Variants in APBB2 observed in about 807,000 individuals in gnomAD.
APBB2 encodes amyloid beta precursor protein binding family B member 2, also known as Fe65-like 1.
APBB2 carries 38 observed loss-of-function variants against 82.5 expected under a neutral mutation model. The ratio of observed to expected loss-of-function variants is 0.46; its 90% CI spans 0.36 to 0.60. The LOEUF (loss-of-function observed/expected upper bound fraction) is 0.60. Among genes scored for constraint, APBB2 ranks in the 20% least tolerant of loss-of-function variants. The pLI, the probability that APBB2 is intolerant of heterozygous loss-of-function variation, is 0.00. For missense variants in APBB2, 772 were observed against 972.3 expected (o/e 0.79, Z 2.74); for synonymous variants, 341 against 368.2 (o/e 0.93, Z 0.85).
rs1224681597 is a variant in APBB2 at position 40,934,502 on chromosome 4, G to C, written c.1208C>G (p.Pro403Arg). ...ASLKLRNAPH[P>R]DDDDSCSINS... ...GATACTACAAGAATCATCATCATCA[G>C]GGTGTGGGGCATTTCTAGGCAGAAA... Residue 403 changes from proline to arginine, a missense_variant, in exon 10 of 18, where the codon CCT becomes CGT. By Grantham distance (103) the Pro-to-Arg change is moderately radical. Coordinates refer to ENST00000508593, the MANE Select transcript of APBB2 (RefSeq NM_004307.2). The C allele has an allele frequency of 6.2e-7, 1 of 1,614,182 alleles. No individual in the cohort carries two copies. Among genetic ancestry groups the C allele is most frequent in the East Asian group, 2.2e-5 (1 of 44,884 alleles).
chr4:40,869,022 CCTTT>C (rs1764748255), intron 12 of APBB2, among the ~76,000 whole-genome samples: 1 of 152,076 alleles, frequency 6.6e-6, no homozygotes, highest in South Asian at 2.1e-4. Context: ...CCCCACACCA[CCTTT>C]CTATTTTTTT....
At chr4:40,903,709 A>G (rs6843173) in intron 10 of APBB2, among the ~76,000 whole-genome samples, 5,862 of 152,238 alleles carry the variant, frequency 0.039, 368 homozygotes, top group African/African-American at 0.13. Context: ...CACAGGGAAC[A>G]GGCAGGGTTT....
chr4:41,080,090 C>A (rs1040217069), intron 3 of APBB2, among the ~76,000 whole-genome samples: 1 of 152,098 alleles, frequency 6.6e-6, no homozygotes, highest in Non-Finnish European at 1.5e-5. Flanking sequence ...TTCAGAGAGA[C>A]GAGGCAGTTT....
At chr4:40,954,475 G>A (rs1791048428) in intron 6 of APBB2, among the ~76,000 whole-genome samples, 1 of 152,148 alleles carries the variant, frequency 6.6e-6, no homozygotes, top group African/African-American at 2.4e-5. Context: ...GTGCAGAGGT[G>A]ATGACAATAG....
At chr4:41,099,329 A>G (rs998105377) in intron 3 of APBB2, among the ~76,000 whole-genome samples, 1 of 152,060 alleles carries the variant, frequency 6.6e-6, no homozygotes, top group African/African-American at 2.4e-5. Flanking sequence ...CCCAGGTTCA[A>G]GCAATTCTCC....
At chr4:40,920,302 G>A (rs1013571304) in intron 10 of APBB2, among the ~76,000 whole-genome samples, 1 of 152,108 alleles carries the variant, frequency 6.6e-6, no homozygotes, top group African/African-American at 2.4e-5. Flanking sequence ...CCATCATTGT[G>A]AGGTCTCCCC....
chr4:41,047,788 T>C (rs777217312), intron 4 of APBB2, among the ~76,000 whole-genome samples: 3 of 152,216 alleles, frequency 2.0e-5, no homozygotes, highest in Non-Finnish European at 4.4e-5. Flanking sequence ...CCTCATTTGC[T>C]GAGTTTATCT....
At chr4:40,829,931 T>A (rs1751304416) in intron 13 of APBB2, among the ~76,000 whole-genome samples, 1 of 152,226 alleles carries the variant, frequency 6.6e-6, no homozygotes, top group African/African-American at 2.4e-5. Flanking sequence ...GCAGAAACCC[T>A]GGATGGTTTC....
intron 10 of APBB2, 112 bp downstream of exon 10, chr4:40,934,330 AAATTGAGGGATAAT>A (rs1784894048): frequency 1.1e-6 from 1 of 916,884 alleles, no homozygotes; most frequent in Non-Finnish European, 1.7e-6. Context: ...AGGAAAGAGA[AAATTGAGGGATAAT>A]TACTTATTAA....
intron 3 of APBB2, among the ~76,000 whole-genome samples, chr4:41,067,909 T>C (rs1732500641): frequency 6.6e-6 from 1 of 152,066 alleles, no homozygotes; most frequent in Non-Finnish European, 1.5e-5. Flanking sequence ...AGCGCATGGC[T>C]ACAGGCTGAA....
intron 3 of APBB2, among the ~76,000 whole-genome samples, chr4:41,100,159 G>A (rs1050054175): frequency 6.6e-6 from 1 of 152,058 alleles, no homozygotes; most frequent in African/African-American, 2.4e-5. Flanking sequence ...GCTACATGAA[G>A]AATTTATTGG....
intron 5 of APBB2, among the ~76,000 whole-genome samples, chr4:41,027,345 T>G (rs1382724543): frequency 7.1e-6 from 1 of 141,510 alleles, no homozygotes; most frequent in Non-Finnish European, 1.5e-5. Context: ...ATTTTTATAT[T>G]TTTATAAACA....
intron 1 of APBB2, among the ~76,000 whole-genome samples, chr4:41,192,215 T>C (rs1473871041): frequency 1.3e-5 from 2 of 152,302 alleles, no homozygotes; most frequent in East Asian, 1.9e-4. Flanking sequence ...GTAGTCATTA[T>C]GGAAAACAGT....
In APBB2 at chr4:41,127,639, A is replaced by T. The variant is rs1754759979; in HGVS notation, c.-261+15348T>A. ...AAAGATCTAATATCCAGAATCTAGG[A>T]GGAACTTAAACAATTCAATAAGCAA... On this transcript the variant is annotated intron_variant, in intron 2 of 17. Coordinates refer to ENST00000508593, the MANE Select transcript of APBB2 (RefSeq NM_004307.2). The surrounding 1 kb of genome is among the most constrained non-coding windows in gnomAD (Gnocchi z 4.8). Among the ~76,000 whole-genome samples, 1 of 152,228 alleles carries T rather than the reference A, an allele frequency of 6.6e-6. No individual in the cohort carries two copies. Among genetic ancestry groups the T allele is most frequent in the African/African-American group, 2.4e-5 (1 of 41,468 alleles).
chr4:40,928,755 T>C (rs933742818), intron 10 of APBB2, among the ~76,000 whole-genome samples: 2 of 149,694 alleles, frequency 1.3e-5, no homozygotes, highest in East Asian at 3.9e-4. Flanking sequence ...TGTGGTGGTG[T>C]ACACCTCTAA....
At chr4:40,924,015 T>C (rs888767437) in intron 10 of APBB2, among the ~76,000 whole-genome samples, 1 of 152,238 alleles carries the variant, frequency 6.6e-6, no homozygotes, top group Non-Finnish European at 1.5e-5. Flanking sequence ...AGTGAGTGTC[T>C]GCACCACTCA....
At chr4:41,038,371 T>C (rs1341266715) in intron 4 of APBB2, among the ~76,000 whole-genome samples, 1 of 152,192 alleles carries the variant, frequency 6.6e-6, no homozygotes, top group Non-Finnish European at 1.5e-5. Context: ...GTTCCCCAAA[T>C]ACTGCCAAAC....
chr4:41,160,206 C>T (rs1358989382), intron 1 of APBB2, among the ~76,000 whole-genome samples: 5 of 152,080 alleles, frequency 3.3e-5, no homozygotes, highest in South Asian at 2.1e-4. Flanking sequence ...CAGGTGCTGC[C>T]GGCCTGGACA....
At chr4:41,049,010 C>CTGTA (rs1724573057) in intron 4 of APBB2, among the ~76,000 whole-genome samples, 1 of 152,072 alleles carries the variant, frequency 6.6e-6, no homozygotes, top group South Asian at 2.1e-4. Context: ...TCTCGGCTAG[C>CTGTA]TACAACATCC....
Sources: gnomAD v4.1 joint callset for allele counts (sites outside exome capture counted in the v4.1 genomes callset) on GRCh38, gnomAD v4.1.1 for gene constraint, Gnocchi (gnomAD v3.1) non-coding constraint, MANE v1.5 for transcripts, NCBI Gene and HGNC (gene_info 2026-07-23, HGNC 2026-07-21) for gene names.